Variants in LINGO2 observed in about 807,000 individuals in gnomAD.
LINGO2 encodes leucine rich repeat and Ig domain containing 2, also known as leucine-rich repeat and immunoglobulin-like domain-containing nogo receptor-interacting protein 2.
In LINGO2, 14 loss-of-function variants were observed where a neutral mutation model predicts 30.6. The ratio of observed to expected loss-of-function variants is 0.46; its 90% confidence interval spans 0.30 to 0.72. The LOEUF is 0.72. LINGO2 is among the 30% of genes least tolerant of loss of function. The pLI is 0.07. For synonymous variants in LINGO2, 317 were observed against 288.5 expected (o/e 1.10, Z -1.00); for missense variants, 729 against 751.7 (o/e 0.97, Z 0.35).
intron 1 of LINGO2, among the ~76,000 whole-genome samples, chr9:28,525,480 C>T (rs1163535422): frequency 6.6e-6 from 1 of 152,012 alleles, no homozygotes; most frequent in Non-Finnish European, 1.5e-5. Context: ...TATTATGCCA[C>T]AATGAAAAGG....
intron 1 of LINGO2, among the ~76,000 whole-genome samples, chr9:28,623,622 G>A (rs12004680): frequency 0.028 from 4,183 of 152,012 alleles, 124 homozygotes; most frequent in African/African-American, 0.069. Flanking sequence ...TTAAAGTTAG[G>A]TATTGTAATT....
chr9:28,345,978 C>T (rs1819549069), intron 3 of LINGO2, among the ~76,000 whole-genome samples: 1 of 152,142 alleles, frequency 6.6e-6, no homozygotes, highest in East Asian at 1.9e-4. Flanking sequence ...AATAACTTTG[C>T]TAGACAAAAT....
the LINGO2 span, among the ~76,000 whole-genome samples, chr9:29,199,434 G>A: frequency 0.17 from 25,193 of 151,886 alleles, 2,226 homozygotes; most frequent in East Asian, 0.38. Flanking sequence ...AAACCCAGGG[G>A]AAGTTTATCC....
chr9:28,748,562 GATTGCTTTCCGGAATAC>G, the LINGO2 span, among the ~76,000 whole-genome samples: 2 of 151,930 alleles, frequency 1.3e-5, no homozygotes, highest in Non-Finnish European at 2.9e-5. Flanking sequence ...TAGTTCACAA[GATTGCTTTCCGGAATAC>G]ATTGTTCTTA....
intron 3 of LINGO2, among the ~76,000 whole-genome samples, chr9:28,305,119 T>C (rs1348718631): frequency 6.6e-6 from 1 of 151,894 alleles, no homozygotes; most frequent in Non-Finnish European, 1.5e-5. Context: ...AACTAAAAAA[T>C]AAAAACCATA....
At chr9:28,883,628 G>GTGTATGTATATATATATATATATA in the LINGO2 span, among the ~76,000 whole-genome samples, 1 of 64,180 alleles carries the variant, frequency 1.6e-5, no homozygotes, top group African/African-American at 5.8e-5. Flanking sequence ...ATGTGTGTGT[G>GTGTATGTATATATATATATATATA]TATATATATA....
the LINGO2 span, among the ~76,000 whole-genome samples, chr9:28,879,046 T>C: frequency 6.6e-6 from 1 of 152,190 alleles, no homozygotes; most frequent in Non-Finnish European, 1.5e-5. Flanking sequence ...GGAAGTCAAA[T>C]TGTCCCTGTT....
At chr9:28,593,399 G>T (rs575834977) in intron 1 of LINGO2, among the ~76,000 whole-genome samples, 1 of 152,092 alleles carries the variant, frequency 6.6e-6, no homozygotes, top group East Asian at 1.9e-4. Flanking sequence ...AATTTTTGAC[G>T]TTCTTTCCCA....
the LINGO2 span, among the ~76,000 whole-genome samples, chr9:29,177,483 A>C: frequency 2.0e-5 from 3 of 152,166 alleles, no homozygotes; most frequent in Non-Finnish European, 2.9e-5. Flanking sequence ...TCCTGTATCT[A>C]ATTTTGTATT....
the LINGO2 span, among the ~76,000 whole-genome samples, chr9:29,138,866 A>G: frequency 6.6e-6 from 1 of 152,160 alleles, no homozygotes; most frequent in Non-Finnish European, 1.5e-5. Context: ...TAAAATGGCA[A>G]CCATGATCTC....
intron 4 of LINGO2, chr9:28,149,260 C>A (rs944321109): frequency 2.9e-5 from 20 of 684,158 alleles, no homozygotes; most frequent in African/African-American, 2.0e-4. Context: ...GAGGCCCAGG[C>A]GGGCGGATCA....
At chr9:29,026,886 C>T in the LINGO2 span, among the ~76,000 whole-genome samples, 10 of 152,144 alleles carry the variant, frequency 6.6e-5, no homozygotes, top group African/African-American at 2.4e-4. Context: ...CATTGCCAGT[C>T]CATATATCTG....
chr9:29,187,957 T>A, the LINGO2 span, among the ~76,000 whole-genome samples: 1 of 150,852 alleles, frequency 6.6e-6, no homozygotes, highest in Non-Finnish European at 1.5e-5. Flanking sequence ...CCAACTATTT[T>A]CTTTTTTTTT....
intron 4 of LINGO2, among the ~76,000 whole-genome samples, chr9:28,183,811 T>C (rs949730543): frequency 1.1e-4 from 17 of 152,198 alleles, no homozygotes; most frequent in Admixed American, 3.3e-4. Flanking sequence ...TGGAAGGCCA[T>C]AGCTAAGGCC....
intron 4 of LINGO2, among the ~76,000 whole-genome samples, chr9:28,223,920 T>C (rs548624419): frequency 6.6e-6 from 1 of 152,254 alleles, no homozygotes; most frequent in South Asian, 2.1e-4. Context: ...TATTTTGAGT[T>C]TGGTGTGGCA....
intron 5 of LINGO2, among the ~76,000 whole-genome samples, chr9:27,953,064 A>G (rs980267240): frequency 2.6e-5 from 4 of 152,152 alleles, no homozygotes; most frequent in African/African-American, 9.6e-5. Flanking sequence ...GTGATTAGCT[A>G]TTAGTAAGCA....
chr9:28,001,001 G>A (rs558956125), intron 5 of LINGO2, among the ~76,000 whole-genome samples: 5 of 152,200 alleles, frequency 3.3e-5, no homozygotes, highest in Admixed American at 6.5e-5. Context: ...AAATATTTTC[G>A]ACTAATTGAT....
intron 1 of LINGO2, among the ~76,000 whole-genome samples, chr9:28,534,463 A>T (rs190695374): frequency 6.6e-6 from 1 of 152,274 alleles, no homozygotes; most frequent in African/African-American, 2.4e-5. Context: ...TTGTTTTTTA[A>T]ATCTCTTATT....
At chr9:29,118,406 C>A in the LINGO2 span, among the ~76,000 whole-genome samples, 1 of 152,184 alleles carries the variant, frequency 6.6e-6, no homozygotes, top group Non-Finnish European at 1.5e-5. Context: ...AATCAAGAAT[C>A]TGGCCACAGA....
Sources: gnomAD v4.1 joint callset for allele counts (sites outside exome capture counted in the v4.1 genomes callset) on GRCh38, gnomAD v4.1.1 for gene constraint, MANE v1.5 for transcripts, NCBI Gene and HGNC (gene_info 2026-07-23, HGNC 2026-07-21) for gene names.